The following UGT1A8 variants were observed in gnomAD, a reference collection of about 807,000 sequenced individuals.
UGT1A8 encodes the protein UDP-glucuronosyltransferase 1A8.
In UGT1A8, 39 loss-of-function variants were observed where a neutral mutation model predicts 45.3. That is an observed-to-expected ratio of 0.86 (90% CI 0.67 to 1.12). The LOEUF (loss-of-function observed/expected upper bound fraction) is 1.12, where lower values mean the gene tolerates loss of function less well. Among genes scored for constraint, UGT1A8 ranks in the 50% most tolerant of loss-of-function variants. The probability of loss-of-function intolerance (pLI) is 0.00; values close to 1 mark genes in which losing one functional copy is unlikely to be tolerated. For missense variants in UGT1A8, 719 were observed against 664.9 expected (o/e 1.08, Z -0.90); for synonymous variants, 275 against 249.2 (o/e 1.10, Z -0.97).
At position 233,678,967 on chromosome 2, in the gene UGT1A8, T is replaced by C. The variant is rs371211857; in HGVS notation, c.855+60405T>C. On this transcript the variant is annotated intron_variant, in intron 1 of 4. Coordinates refer to ENST00000373450, the MANE Select transcript of UGT1A8 (RefSeq NM_019076.5). ...CAGAAGAAATGTACTGTTTGGGGCT[T>C]GGTGGCTTTCAAAGCTCTTTCTATA... 6.6e-5 allele frequency among the ~76,000 whole-genome samples: 10 copies of C among 152,348 alleles called. 1 individual carries two copies. Among genetic ancestry groups the C allele is most frequent in the South Asian group, 2.1e-4 (1 of 4,828 alleles).
At chr2:233,673,849 A>G (rs2074266890) in intron 1 of UGT1A8, among the ~76,000 whole-genome samples, 1 of 152,212 alleles carries the variant, frequency 6.6e-6, no homozygotes, top group African/African-American at 2.4e-5. Context: ...TGTACAATAT[A>G]CAATGTCAAC....
chr2:233,659,374 T>C (rs2073921332), intron 1 of UGT1A8, among the ~76,000 whole-genome samples: 1 of 152,186 alleles, frequency 6.6e-6, no homozygotes, highest in Non-Finnish European at 1.5e-5. Context: ...AACACATATT[T>C]GATATGCTTT....
Position 233,718,936 on chromosome 2 carries a change from G to A in UGT1A8, c.856-48098G>A, listed in dbSNP as rs377569610. 7.4e-6 allele frequency: 12 copies of A among 1,614,050 alleles called. No homozygotes were observed. In the African/African-American group the frequency reaches 1.3e-4, roughly 18 times the overall value. Reference sequence around the variant, plus strand: ...GTGTTGGTGGTGCCCACTGATGGCAGCCCCTGGCTCAGCATGCGGGAGGCC... The same window carrying A: ...GTGTTGGTGGTGCCCACTGATGGCAACCCCTGGCTCAGCATGCGGGAGGCC... On this transcript the variant is annotated intron_variant, in intron 1 of 4. Coordinates refer to ENST00000373450, the MANE Select transcript of UGT1A8 (RefSeq NM_019076.5).
intron 1 of UGT1A8, chr2:233,754,910 C>A: frequency 7.4e-7 from 1 of 1,353,942 alleles, no homozygotes; most frequent in African/African-American, 1.5e-5. Flanking sequence ...CCAAAATATT[C>A]TCCAGCGGGT....
chr2:233,639,866 G>A (rs1382423293), intron 1 of UGT1A8, among the ~76,000 whole-genome samples: 1 of 152,218 alleles, frequency 6.6e-6, no homozygotes, highest in Non-Finnish European at 1.5e-5. Flanking sequence ...GTGTTGATTA[G>A]TGATGTGTAA....
intron 1 of UGT1A8, among the ~76,000 whole-genome samples, chr2:233,661,666 T>G (rs2073971080): frequency 6.7e-6 from 1 of 148,714 alleles, no homozygotes; most frequent in Non-Finnish European, 1.5e-5. Flanking sequence ...TTTCTTTCTT[T>G]CTTTCTTTCT....
intron 1 of UGT1A8, among the ~76,000 whole-genome samples, chr2:233,725,052 C>G (rs575446926): frequency 6.8e-6 from 1 of 147,562 alleles, no homozygotes; most frequent in Non-Finnish European, 1.5e-5. Flanking sequence ...TCAGGCGTGG[C>G]GGCGCGCGCC....
chr2:233,757,298 TG>T (rs1270061010), intron 1 of UGT1A8, among the ~76,000 whole-genome samples: 3 of 5,528 alleles, frequency 5.4e-4, no homozygotes, highest in Non-Finnish European at 9.8e-4. Context: ...AGCTGGGGGT[TG>T]GGGGACAGGG....
chr2:233,622,256 T>C (rs188645940), intron 1 of UGT1A8, among the ~76,000 whole-genome samples: 1 of 152,330 alleles, frequency 6.6e-6, no homozygotes, highest in East Asian at 1.9e-4. Context: ...AGTAATGGGA[T>C]CACTGGGTCA....
chr2:233,675,272 G>A (rs2074316404), intron 1 of UGT1A8, among the ~76,000 whole-genome samples: 1 of 152,166 alleles, frequency 6.6e-6, no homozygotes, highest in East Asian at 1.9e-4. Context: ...ATCATTCCGT[G>A]TGGTCATTCT....
chr2:233,693,367 G>T, intron 1 of UGT1A8: 3 of 1,614,154 alleles, frequency 1.9e-6, no homozygotes, highest in Non-Finnish European at 2.5e-6. Context: ...TTATTGGCCT[G>T]TACTTCATCA....
At chr2:233,660,553 A>G (rs1466643346) in intron 1 of UGT1A8, among the ~76,000 whole-genome samples, 1 of 152,220 alleles carries the variant, frequency 6.6e-6, no homozygotes, top group African/African-American at 2.4e-5. Flanking sequence ...CTTGTTCTAC[A>G]ACAAAAAGAC....
chr2:233,753,588 C>T (rs1263475788), intron 1 of UGT1A8: 2 of 152,166 alleles, frequency 1.3e-5, no homozygotes, highest in African/African-American at 4.8e-5. Flanking sequence ...TGGACTACCC[C>T]AAGGCAATAT....
Position 233,618,294 on chromosome 2 carries a change from G to T in UGT1A8, c.587G>T (p.Gly196Val), listed in dbSNP as rs137929467. 4.4e-5 allele frequency: 71 copies of T among 1,613,802 alleles called. 1 individual carries two copies. In the African/African-American group the frequency reaches 8.3e-4, roughly 19 times the overall value. The change falls in exon 1 of 5, where the codon GGG becomes GTG. Residue 196 changes from glycine to valine, a missense_variant. By Grantham distance (109) the Gly-to-Val change is moderately radical (BLOSUM62 -3). Transcript: ENST00000373450. ...TCCTATGTCCCCAGAATTCTCTTAGGGTTCTCAGATGCCATGACTTTCAAG... is the reference window on the plus strand; with the variant it reads ...TCCTATGTCCCCAGAATTCTCTTAGTGTTCTCAGATGCCATGACTTTCAAG... Reference protein sequence around the residue: ...PLSYVPRILLGFSDAMTFKER... With the variant: ...PLSYVPRILLVFSDAMTFKER...
At position 233,772,374 on chromosome 2, in the gene UGT1A8, C is replaced by T. The variant is rs773725816; in HGVS notation, c.1408C>T (p.His470Tyr). Reference protein sequence around the residue: ...EFVMRHKGAPHLRPAAHDLTW... With the variant: ...EFVMRHKGAPYLRPAAHDLTW... ...TGTGATGAGGCACAAGGGCGCGCCA[C>T]ACCTGCGCCCCGCAGCCCACGACCT... is the stretch of plus-strand genomic sequence containing the variant. The change falls in exon 5 of 5, where the codon CAC becomes TAC. Residue 470 changes from histidine (H) to tyrosine (Y), a missense_variant. Transcript: ENST00000373450. 1.2e-6 allele frequency: 2 copies of T among 1,614,266 alleles called. No individual in the cohort carries two copies. Among genetic ancestry groups the T allele is most frequent in the South Asian group, 2.2e-5 (2 of 91,082 alleles).
intron 1 of UGT1A8, among the ~76,000 whole-genome samples, chr2:233,660,289 G>A (rs878883237): frequency 1.3e-5 from 2 of 152,268 alleles, no homozygotes; most frequent in Admixed American, 6.5e-5. Flanking sequence ...AGAAAACCAT[G>A]TGTAATGAGC....
At chr2:233,757,471 C>G (rs1223832347) in intron 1 of UGT1A8, among the ~76,000 whole-genome samples, 8 of 147,498 alleles carry the variant, frequency 5.4e-5, no homozygotes, top group African/African-American at 1.5e-4. Context: ...CTTACTGTCT[C>G]CAAAACCATG....
chr2:233,690,760 TACAC>T (rs899779207), intron 1 of UGT1A8: 3 of 905,494 alleles, frequency 3.3e-6, no homozygotes, highest in South Asian at 2.8e-5. Flanking sequence ...AGTGCAGACA[TACAC>T]ACACACACAC....
intron 1 of UGT1A8, among the ~76,000 whole-genome samples, chr2:233,701,718 A>T (rs2075648818): frequency 6.6e-6 from 1 of 152,232 alleles, no homozygotes; most frequent in South Asian, 2.1e-4. Flanking sequence ...CTACATGGAA[A>T]CTGAACAACC....
Sources: allele counts gnomAD v4.1 joint callset (sites outside exome capture counted in the v4.1 genomes callset), GRCh38; gene constraint gnomAD v4.1.1; transcripts MANE v1.5; gene names NCBI Gene and HGNC (gene_info 2026-07-23, HGNC 2026-07-21).